Variants in PEX5L observed in about 807,000 individuals in gnomAD.
PEX5L encodes the protein PEX5-related protein.
In PEX5L, 30 loss-of-function variants were observed where a neutral mutation model predicts 84.0. That is an observed-to-expected ratio of 0.36 (90% confidence interval 0.27 to 0.48). PEX5L has a LOEUF of 0.48. PEX5L is among the 20% of genes least tolerant of loss of function. PEX5L has a pLI of 0.99. For missense variants in PEX5L, 533 were observed against 754.6 expected, an observed-to-expected ratio of 0.71 and a Z score of 3.44; for synonymous variants, 270 against 283.1, an observed-to-expected ratio of 0.95 and a Z score of 0.46.
intron 8 of PEX5L, among the ~76,000 whole-genome samples, chr3:179,828,217 A>T (rs1376066582): frequency 6.6e-6 from 1 of 152,126 alleles, no homozygotes; most frequent in Non-Finnish European, 1.5e-5. Flanking sequence ...GCCCAGTTCT[A>T]TGCTGAGGTC....
chr3:179,991,647 C>T (rs1447667482), intron 1 of PEX5L, among the ~76,000 whole-genome samples: 5 of 152,154 alleles, frequency 3.3e-5, no homozygotes, highest in Non-Finnish European at 7.4e-5. Context: ...ATTGATTTTG[C>T]CACTTTGCTT....
intron 2 of PEX5L, among the ~76,000 whole-genome samples, chr3:179,919,453 C>T (rs528922682): frequency 6.6e-6 from 1 of 152,288 alleles, no homozygotes; most frequent in East Asian, 1.9e-4. Context: ...ACTAGGGGCT[C>T]TTTCACAGGC....
intron 8 of PEX5L, among the ~76,000 whole-genome samples, chr3:179,837,280 C>A (rs960287206): frequency 3.3e-5 from 5 of 152,156 alleles, no homozygotes; most frequent in African/African-American, 9.7e-5. Flanking sequence ...TACCAAAGTA[C>A]CTGATGCCGT....
intron 8 of PEX5L, among the ~76,000 whole-genome samples, chr3:179,847,879 G>T (rs1270209981): frequency 1.3e-5 from 2 of 151,526 alleles, no homozygotes; most frequent in African/African-American, 2.4e-5. Flanking sequence ...TAGATCTTTT[G>T]TAGAGATAGG....
At chr3:180,026,386 C>G (rs954931855) in intron 1 of PEX5L, among the ~76,000 whole-genome samples, 1 of 152,064 alleles carries the variant, frequency 6.6e-6, no homozygotes, top group Admixed American at 6.6e-5. Context: ...ATTAATGACT[C>G]AAATGCACAG....
In PEX5L at chr3:179,940,733, A is replaced by G. The variant is rs923192488; in HGVS notation, c.93+30861T>C. 1.2e-4 allele frequency among the ~76,000 whole-genome samples: 18 copies of G among 152,228 alleles called. 1 individual carries two copies. Among genetic ancestry groups the G allele is most frequent in the Non-Finnish European group, 1.5e-5 (1 of 68,040 alleles). ...ACTCCTTAAGAACAACATGGATCCA[A>G]TCCTCAGAGGCCTAATTTAGAGAAA... On this transcript the variant is annotated intron_variant, in intron 2 of 14. Transcript: ENST00000467460.
chr3:179,802,532 C>CAAAAAAAAAAA (rs369244711), intron 14 of PEX5L, among the ~76,000 whole-genome samples: 30 of 73,784 alleles, frequency 4.1e-4, no homozygotes, highest in East Asian at 9.7e-4. Context: ...GAGACTGTCT[C>CAAAAAAAAAAA]AAAAAAAAAA....
chr3:179,849,225 A>T (rs1171093060), intron 8 of PEX5L, among the ~76,000 whole-genome samples: 2 of 152,224 alleles, frequency 1.3e-5, no homozygotes, highest in Non-Finnish European at 2.9e-5. Flanking sequence ...CTATTTATAC[A>T]ATGTATTTTG....
chr3:179,916,671 A>AC (rs34937319), intron 2 of PEX5L, among the ~76,000 whole-genome samples: 22,597 of 151,346 alleles, frequency 0.15, 1,800 homozygotes, highest in South Asian at 0.3. Context: ...TAAATTAACC[A>AC]CCCCCCCTTT....
chr3:180,007,610 C>A (rs1032710639), intron 1 of PEX5L, among the ~76,000 whole-genome samples: 6 of 152,256 alleles, frequency 3.9e-5, no homozygotes, highest in African/African-American at 1.4e-4. Flanking sequence ...CCTGCCCCTG[C>A]AGCAAACTTT....
intron 2 of PEX5L, among the ~76,000 whole-genome samples, chr3:179,932,272 T>C (rs1204856380): frequency 6.6e-6 from 1 of 152,148 alleles, no homozygotes; most frequent in Non-Finnish European, 1.5e-5. Context: ...TGTGTGTATG[T>C]GTATGTGTGA....
chr3:179,874,121 G>A (rs377182688), intron 7 of PEX5L, among the ~76,000 whole-genome samples: 1 of 137,226 alleles, frequency 7.3e-6, no homozygotes, highest in African/African-American at 2.5e-5. Context: ...CCAGCCAAAT[G>A]TGTAGATATA....
chr3:179,821,517 A>G (rs1728518552), intron 8 of PEX5L, among the ~76,000 whole-genome samples: 1 of 152,260 alleles, frequency 6.6e-6, no homozygotes, highest in African/African-American at 2.4e-5. Flanking sequence ...AATAAGAACC[A>G]GCCCAATGTG....
In PEX5L at chr3:179,801,785, A is replaced by G; in HGVS notation, c.*43T>C. On this transcript the variant is annotated 3_prime_UTR_variant, in exon 15 of 15. Transcript: ENST00000467460. ...AAATAGTTTTTGATTTTTCAGTACA[A>G]TCACACAGATCAGGGATTATTAGTA... 9.9e-6 allele frequency: 12 copies of G among 1,209,378 alleles called. No homozygotes were observed. The highest frequency in any genetic ancestry group is 4.5e-5 in the African/African-American group (3 of 67,180). 74.9% of individuals were successfully genotyped at this position (1,209,378 alleles called of 1,614,324 possible). A position where few individuals can be genotyped will look rare whatever the true frequency, so the allele number is the denominator to read the frequency against.
At chr3:180,003,292 T>C (rs1788590411) in intron 1 of PEX5L, among the ~76,000 whole-genome samples, 1 of 152,160 alleles carries the variant, frequency 6.6e-6, no homozygotes, top group Non-Finnish European at 1.5e-5. Context: ...TACAACAATC[T>C]GTATTATGCT....
chr3:180,009,102 A>G (rs887029779), intron 1 of PEX5L, among the ~76,000 whole-genome samples: 1 of 151,954 alleles, frequency 6.6e-6, no homozygotes, highest in Admixed American at 6.6e-5. Flanking sequence ...TATTTTTCCC[A>G]CTCATTGGAG....
At chr3:179,857,862 C>A (rs1744593281) in intron 8 of PEX5L, among the ~76,000 whole-genome samples, 1 of 152,096 alleles carries the variant, frequency 6.6e-6, no homozygotes, top group African/African-American at 2.4e-5. Flanking sequence ...CTCAGCTGGT[C>A]TCAACCAAAT....
At chr3:179,857,310 A>G (rs1017698916) in intron 8 of PEX5L, among the ~76,000 whole-genome samples, 9 of 152,316 alleles carry the variant, frequency 5.9e-5, no homozygotes, top group African/African-American at 9.6e-5. Context: ...AGGGGGTAAA[A>G]CCAAGACCAA....
chr3:180,003,517 A>C (rs1190029579), intron 1 of PEX5L, among the ~76,000 whole-genome samples: 1 of 152,202 alleles, frequency 6.6e-6, no homozygotes, highest in Non-Finnish European at 1.5e-5. Context: ...TGCCACAAAC[A>C]TATGTAAACT....
Sources: gnomAD v4.1 joint callset for allele counts (sites outside exome capture counted in the v4.1 genomes callset) on GRCh38, gnomAD v4.1.1 for gene constraint, MANE v1.5 for transcripts, NCBI Gene and HGNC (gene_info 2026-07-23, HGNC 2026-07-21) for gene names.